The following C4orf36 variants were observed in gnomAD, a reference collection of about 807,000 sequenced individuals.
The protein encoded by C4orf36 is chromosome 4 open reading frame 36.
In C4orf36, 11 loss-of-function variants were observed where a neutral mutation model predicts 12.2. The observed-to-expected ratio is 0.90, with a 90% CI of 0.57 to 1.49. C4orf36 has a LOEUF of 1.49. Ranked by LOEUF, C4orf36 falls within the 40% of genes most tolerant of loss-of-function variation. C4orf36 has a pLI of 0.00. For missense variants in C4orf36, 137 were observed against 133.9 expected (o/e 1.02, Z -0.11); for synonymous variants, 54 against 51.3 (o/e 1.05, Z -0.22).
chr4:86,895,996 A>G (rs968114051), upstream of C4orf36, among the ~76,000 whole-genome samples: 1 of 152,248 alleles, frequency 6.6e-6, no homozygotes, highest in Non-Finnish European at 1.5e-5. Context: ...AGAAACAATA[A>G]TAGTGTGGTA....
chr4:86,921,165 CAA>C, the C4orf36 span, among the ~76,000 whole-genome samples: 8 of 95,006 alleles, frequency 8.4e-5, no homozygotes, highest in Non-Finnish European at 4.6e-5. Flanking sequence ...AACTCCTTCT[CAA>C]AAAAAAAAAA....
intron 4 of C4orf36, among the ~76,000 whole-genome samples, chr4:86,885,055 A>G (rs1016619910): frequency 5.9e-5 from 9 of 152,092 alleles, no homozygotes; most frequent in Non-Finnish European, 8.8e-5. Flanking sequence ...CCATTGGTCT[A>G]TATCTCTGTT....
At chr4:86,917,192 A>C in the C4orf36 span, among the ~76,000 whole-genome samples, 2 of 152,110 alleles carry the variant, frequency 1.3e-5, no homozygotes, top group African/African-American at 4.8e-5. Context: ...AGGTGAATGA[A>C]TCCCTTGAGC....
the C4orf36 span, among the ~76,000 whole-genome samples, chr4:86,911,137 T>C: frequency 2.0e-5 from 3 of 152,138 alleles, no homozygotes; most frequent in Non-Finnish European, 4.4e-5. Flanking sequence ...AATTGAGGGC[T>C]GAAACCAAGG....
At chr4:86,916,370 A>C in the C4orf36 span, among the ~76,000 whole-genome samples, 1 of 151,438 alleles carries the variant, frequency 6.6e-6, no homozygotes, top group Non-Finnish European at 1.5e-5. Context: ...GGATGCAAAA[A>C]AAAAAAAAAA....
the C4orf36 span, among the ~76,000 whole-genome samples, chr4:86,917,254 G>A: frequency 4.6e-3 from 702 of 151,660 alleles, 8 homozygotes; most frequent in Admixed American, 0.02. Flanking sequence ...CACTGCACCC[G>A]GGGCAGCAGA....
the C4orf36 span, among the ~76,000 whole-genome samples, chr4:86,906,728 C>CAAAA: frequency 1.3e-3 from 102 of 78,626 alleles, no homozygotes; most frequent in Admixed American, 1.7e-3. Context: ...AAGACGGTCT[C>CAAAA]AAAAAAAAAA....
chr4:86,904,398 G>C, the C4orf36 span, among the ~76,000 whole-genome samples: 41 of 152,322 alleles, frequency 2.7e-4, 1 homozygote, highest in African/African-American at 9.4e-4. Flanking sequence ...AGTGCGACCA[G>C]AGCGGACGCC....
chr4:86,887,707 T>G lies in C4orf36; in HGVS notation c.*2+51A>C, dbSNP rs957840223. The G allele has an allele frequency of 2.5e-6, 4 of 1,610,628 alleles. No homozygotes were observed. The African/African-American group carries it at 5.3e-5, about 22-fold the overall frequency. On this transcript the variant is annotated intron_variant, in intron 4 of 4. Transcript: ENST00000295898. Reference sequence around the variant, plus strand: ...TACATAGTGAAAGGTCCAGAGACCTTCATGCCCTTTGGATGCAAGACACAG... The same window carrying G: ...TACATAGTGAAAGGTCCAGAGACCTGCATGCCCTTTGGATGCAAGACACAG...
chr4:86,891,595 T>C lies in C4orf36; in HGVS notation c.-73-2A>G. On this transcript the variant is annotated splice_acceptor_variant, in intron 1 of 4. Coordinates refer to ENST00000295898, the MANE Select transcript of C4orf36 (RefSeq NM_144645.4). LOFTEE classifies it low-confidence loss of function (5UTR_SPLICE). ...CACAGATAACTCTGTTCACTTTACC[T>C]GAAATGATGGCAACGCACCTAATTA... 1.2e-6 allele frequency: 2 copies of C among 1,605,742 alleles called. No individual in the cohort carries two copies. Among genetic ancestry groups the C allele is most frequent in the Non-Finnish European group, 1.7e-6 (2 of 1,175,354 alleles).
At chr4:86,927,839 T>C in the C4orf36 span, among the ~76,000 whole-genome samples, 2 of 151,892 alleles carry the variant, frequency 1.3e-5, no homozygotes, top group Non-Finnish European at 2.9e-5. Flanking sequence ...GAGTCTAGAA[T>C]GAGGAGTTGA....
At chr4:86,889,961 A>G in intron 2 of C4orf36, 1 of 421,992 alleles carries the variant, frequency 2.4e-6, no homozygotes, top group Middle Eastern at 8.0e-4. Context: ...TTGGGAGACC[A>G]AGGTGGATCA....
chr4:86,887,507 A>G (rs942315026), intron 4 of C4orf36: 8 of 364,140 alleles, frequency 2.2e-5, no homozygotes, highest in Middle Eastern at 7.1e-4. Context: ...TAAAATGAAT[A>G]GCACAAACGA....
upstream of C4orf36, among the ~76,000 whole-genome samples, chr4:86,893,905 TTTATTTA>T (rs1208947341): frequency 6.8e-6 from 1 of 147,870 alleles, no homozygotes; most frequent in Non-Finnish European, 1.5e-5. Flanking sequence ...TATTTATTTA[TTTATTTA>T]TTGAGATGGA....
chr4:86,926,315 G>A, the C4orf36 span: 1 of 152,284 alleles, frequency 6.6e-6, no homozygotes, highest in African/African-American at 2.4e-5. Flanking sequence ...GGCCGAAGAA[G>A]AGACTTGGAA....
chr4:86,914,650 C>T, the C4orf36 span: 114 of 331,986 alleles, frequency 3.4e-4, no homozygotes, highest in South Asian at 1.2e-3. Flanking sequence ...ATCCACCTGC[C>T]GAGGCCTCTC....
the C4orf36 span, among the ~76,000 whole-genome samples, chr4:86,911,691 C>G: frequency 2.0e-5 from 3 of 152,060 alleles, no homozygotes; most frequent in Non-Finnish European, 2.9e-5. Context: ...CTCTGTCTCT[C>G]TCTTTTCTTT....
Position 86,888,148 on chromosome 4 carries a change from TA to T in C4orf36, c.192del (p.Asp66MetfsTer18). 1 of 1,613,974 alleles carries T rather than the reference TA, an allele frequency of 6.2e-7. No individual in the cohort carries two copies. Among genetic ancestry groups the T allele is most frequent in the African/African-American group, 1.3e-5 (1 of 75,054 alleles). ...GSVQLTKCTT[I>X]KDGLLPSAES... is the part of the protein sequence containing the mutation. ...TCTGCAGAAGGGAGCAGTCCATCTT[TA>T]ATGGTGGTACATTTTGTGAGCTGCA... is the stretch of plus-strand genomic sequence containing the variant. On this transcript the variant is annotated frameshift_variant, in exon 3 of 5. Coordinates refer to ENST00000295898, the MANE Select transcript of C4orf36 (RefSeq NM_144645.4). LOFTEE classifies it high-confidence loss of function.
intron 2 of C4orf36, among the ~76,000 whole-genome samples, chr4:86,888,630 C>T (rs953538255): frequency 6.6e-6 from 1 of 152,140 alleles, no homozygotes; most frequent in Non-Finnish European, 1.5e-5. Context: ...GAAAGAAGGG[C>T]ATAATCATAC....
Sources: gnomAD v4.1 joint callset for allele counts (sites outside exome capture counted in the v4.1 genomes callset) on GRCh38, gnomAD v4.1.1 for gene constraint, MANE v1.5 for transcripts, NCBI Gene and HGNC (gene_info 2026-07-23, HGNC 2026-07-21) for gene names.